GPATCH8: variants seen among roughly 807,000 people sequenced by gnomAD.
The protein encoded by GPATCH8 is G patch domain-containing protein 8.
GPATCH8 carries 18 observed loss-of-function variants against 118.3 expected under a neutral mutation model. That is an observed-to-expected ratio of 0.15 (90% CI 0.11 to 0.23). GPATCH8 has a LOEUF of 0.23. GPATCH8 is among the 10% of genes least tolerant of loss of function. The pLI is 1.00. For missense variants in GPATCH8, 1,631 were observed against 1,873.8 expected (o/e 0.87, Z 2.39); for synonymous variants, 659 against 684.7 (o/e 0.96, Z 0.59).
intron 6 of GPATCH8, among the ~76,000 whole-genome samples, chr17:44,420,456 T>C (rs2049855918): frequency 6.6e-6 from 1 of 152,238 alleles, no homozygotes; most frequent in South Asian, 2.1e-4. Flanking sequence ...AAGGAGCTTT[T>C]CTGTGCATTG....
At chr17:44,453,216 G>C (rs920681042) in intron 3 of GPATCH8, among the ~76,000 whole-genome samples, 1 of 152,108 alleles carries the variant, frequency 6.6e-6, no homozygotes, top group Non-Finnish European at 1.5e-5. Context: ...CAGATTGGAG[G>C]AGCATTAAGG....
At chr17:44,439,019 T>C (rs187326802) in intron 3 of GPATCH8, among the ~76,000 whole-genome samples, 74 of 152,238 alleles carry the variant, frequency 4.9e-4, no homozygotes, top group Middle Eastern at 3.4e-3. Context: ...ATTTAACTAT[T>C]CATTCTCGTA....
intron 1 of GPATCH8, among the ~76,000 whole-genome samples, chr17:44,483,176 AATATATATAT>A (rs1163758356): frequency 0.042 from 544 of 12,894 alleles, 46 homozygotes; most frequent in Middle Eastern, 0.17. Context: ...AAAAAAAAAA[AATATATATAT>A]ATATATATAT....
intron 3 of GPATCH8, among the ~76,000 whole-genome samples, chr17:44,448,805 T>C (rs1189522052): frequency 1.7e-4 from 26 of 151,826 alleles, no homozygotes; most frequent in Admixed American, 1.7e-3. Context: ...AGCACTATAC[T>C]ACTTTAGTGT....
intron 1 of GPATCH8, among the ~76,000 whole-genome samples, chr17:44,491,486 CA>C (rs1023934645): frequency 0.14 from 9,822 of 69,620 alleles, 189 homozygotes; most frequent in Non-Finnish European, 0.17. Context: ...GACTCCGTCT[CA>C]AAAAAAAAAA....
intron 6 of GPATCH8, among the ~76,000 whole-genome samples, chr17:44,417,465 C>G (rs868225974): frequency 2.0e-5 from 3 of 152,096 alleles, no homozygotes; most frequent in Non-Finnish European, 4.4e-5. Flanking sequence ...GTGATCTGCC[C>G]GCCTGAGTCT....
In GPATCH8 at chr17:44,400,205, A is replaced by G; in HGVS notation, c.1872T>C (p.Arg624=). The G allele has an allele frequency of 6.2e-7, 1 of 1,613,982 alleles. No homozygotes were observed. Among genetic ancestry groups the G allele is most frequent in the Non-Finnish European group, 8.5e-7 (1 of 1,179,986 alleles). ...SKEVGGEKIV[R]SSGGRMDAPA... is the part of the protein sequence containing the mutation. Reference sequence around the variant, plus strand: ...GTGCGTCCATTCTGCCTCCTGAGGAACGTACTATTTTCTCTCCGCCCACTT... The same window carrying G: ...GTGCGTCCATTCTGCCTCCTGAGGAGCGTACTATTTTCTCTCCGCCCACTT... Residue 624 remains arginine, a synonymous_variant, in exon 8 of 8, where the codon CGT becomes CGC. Coordinates refer to ENST00000591680, the MANE Select transcript of GPATCH8 (RefSeq NM_001002909.4).
intron 1 of GPATCH8, among the ~76,000 whole-genome samples, chr17:44,476,306 G>A (rs921485600): frequency 6.6e-6 from 1 of 151,980 alleles, no homozygotes; most frequent in Non-Finnish European, 1.5e-5. Flanking sequence ...CCAGGCTCAA[G>A]TGGTATTCGT....
intron 3 of GPATCH8, among the ~76,000 whole-genome samples, chr17:44,444,692 G>C (rs1405170730): frequency 6.6e-6 from 1 of 152,158 alleles, no homozygotes; most frequent in Non-Finnish European, 1.5e-5. Context: ...AGAATCACTT[G>C]AAACTGGGAG....
chr17:44,464,947 A>ATC, intron 2 of GPATCH8: 1 of 175,302 alleles, frequency 5.7e-6, no homozygotes, highest in South Asian at 1.2e-4. Context: ...TTTTTTTTTT[A>ATC]AAGAAAATCT....
chr17:44,502,858 T>C (rs1970194658), intron 1 of GPATCH8, among the ~76,000 whole-genome samples: 1 of 152,130 alleles, frequency 6.6e-6, no homozygotes, highest in Admixed American at 6.5e-5. Context: ...AGGAATTGAT[T>C]TATCACAGTG....
chr17:44,499,828 G>A (rs935723211), intron 1 of GPATCH8, among the ~76,000 whole-genome samples: 1 of 151,430 alleles, frequency 6.6e-6, no homozygotes. Flanking sequence ...ATTCTTAAAG[G>A]AGTAGTTAAA....
chr17:44,418,642 G>C (rs35179042), intron 6 of GPATCH8, among the ~76,000 whole-genome samples: 2,780 of 152,090 alleles, frequency 0.018, 89 homozygotes, highest in African/African-American at 0.064. Context: ...TAGTAGAGAG[G>C]GGTTTTCACC....
At chr17:44,425,502 A>G (rs960436288) in intron 5 of GPATCH8, among the ~76,000 whole-genome samples, 3 of 152,164 alleles carry the variant, frequency 2.0e-5, no homozygotes, top group African/African-American at 7.2e-5. Flanking sequence ...AATCCTTCAC[A>G]ATAATTTTCT....
intron 6 of GPATCH8, 92 bp downstream of exon 6, chr17:44,424,257 A>G: frequency 2.3e-6 from 2 of 888,664 alleles, no homozygotes; most frequent in South Asian, 2.7e-5. Flanking sequence ...AAGAAATCAT[A>G]GACACCAAGT....
rs1271464426 is a variant in GPATCH8, at chr17:44,398,987, G to A, written c.3090C>T (p.Ile1030=). The part of the protein sequence containing the change: ...SGRRDFIRSK[I]YRSQSPHYFR... The stretch of plus-strand genomic sequence containing the variant: ...AATAGTGGGGGGACTGGGAGCGGTA[G>A]ATCTTAGAACGAATGAAGTCCCGAC... Residue 1030 remains isoleucine, a synonymous_variant, in exon 8 of 8, where the codon ATC becomes ATT. Coordinates refer to ENST00000591680, the MANE Select transcript of GPATCH8 (RefSeq NM_001002909.4). 1 of 1,614,054 alleles carries A rather than the reference G, an allele frequency of 6.2e-7. No individual in the cohort carries two copies. The highest frequency in any genetic ancestry group is 1.1e-5 in the South Asian group (1 of 91,078).
At chr17:44,413,449 G>A (rs996573034) in intron 6 of GPATCH8, among the ~76,000 whole-genome samples, 1 of 151,636 alleles carries the variant, frequency 6.6e-6, no homozygotes. Flanking sequence ...TTTTTGTGTT[G>A]GGATTACAGG....
chr17:44,447,061 C>G (rs2050911371), intron 3 of GPATCH8, among the ~76,000 whole-genome samples: 1 of 152,076 alleles, frequency 6.6e-6, no homozygotes, highest in Admixed American at 6.6e-5. Context: ...GTCTCGAACT[C>G]CTGACCTCAA....
chr17:44,499,159 C>T (rs1969877946), intron 1 of GPATCH8, among the ~76,000 whole-genome samples: 1 of 151,926 alleles, frequency 6.6e-6, no homozygotes, highest in African/African-American at 2.4e-5. Context: ...ACTGTAGTTC[C>T]TTTTCATTAG....
Sources: gnomAD v4.1 joint callset for allele counts (sites outside exome capture counted in the v4.1 genomes callset) on GRCh38, gnomAD v4.1.1 for gene constraint, MANE v1.5 for transcripts, NCBI Gene and HGNC (gene_info 2026-07-23, HGNC 2026-07-21) for gene names.